The following USP42 variants were observed in gnomAD, a reference collection of about 807,000 sequenced individuals.
The protein encoded by USP42 is ubiquitin specific peptidase 42, also known as ubiquitin carboxyl-terminal hydrolase 42.
A neutral mutation model predicts 113.0 loss-of-function variants in USP42; 23 were observed. The ratio of observed to expected loss-of-function variants is 0.20; its 90% CI spans 0.15 to 0.29. The LOEUF is 0.29. USP42 is among the 10% of genes least tolerant of loss of function. USP42 has a pLI of 1.00. For missense variants in USP42, 2,174 were observed against 1,779.8 expected, an observed-to-expected ratio of 1.22 and a Z score of -3.99; for synonymous variants, 933 against 699.0, an observed-to-expected ratio of 1.33 and a Z score of -5.28.
At chr7:6,116,368 A>G (rs998068145) in intron 3 of USP42, 2 of 166,182 alleles carry the variant, frequency 1.2e-5, no homozygotes, top group African/African-American at 4.8e-5. Context: ...ATTAGATGGA[A>G]GCCAACTCAG....
intron 14 of USP42, among the ~76,000 whole-genome samples, chr7:6,151,674 C>T (rs940682887): frequency 1.3e-5 from 2 of 152,160 alleles, no homozygotes; most frequent in African/African-American, 4.8e-5. Flanking sequence ...AACTCCTGAC[C>T]TCAACTCATC....
In USP42 at chr7:6,158,379, C is replaced by G. The variant is rs1562863661; in HGVS notation, c.3944-1071C>G. On this transcript the variant is annotated intron_variant, in intron 16 of 17. Coordinates refer to ENST00000306177, the MANE Select transcript of USP42 (RefSeq NM_032172.3). The surrounding 1 kb of genome is among the most constrained non-coding windows in gnomAD (Gnocchi z 4.2). ...TTTGTGTTCACGTGTGAAGCGCATC[C>G]CCTCCTCCCAGGGGCTTTTGACGAA... Among the ~76,000 whole-genome samples the G allele has an allele frequency of 6.6e-6, 1 of 152,222 alleles. No individual in the cohort carries two copies. Among genetic ancestry groups the G allele is most frequent in the Non-Finnish European group, 1.5e-5 (1 of 68,042 alleles).
At chr7:6,145,243 A>T (rs1355128492) in intron 9 of USP42, among the ~76,000 whole-genome samples, 2 of 151,950 alleles carry the variant, frequency 1.3e-5, no homozygotes, top group Non-Finnish European at 2.9e-5. Flanking sequence ...AGGCAGGACA[A>T]TCACTTGAAC....
chr7:6,112,698 C>G (rs1046204879), intron 2 of USP42, among the ~76,000 whole-genome samples: 2 of 151,946 alleles, frequency 1.3e-5, no homozygotes, highest in African/African-American at 4.8e-5. Context: ...AACACAAATC[C>G]GTAAACTTTC....
intron 11 of USP42, 98 bp from the exon 12 acceptor site, chr7:6,147,641 G>T: frequency 7.2e-7 from 1 of 1,394,838 alleles, no homozygotes; most frequent in Non-Finnish European, 9.6e-7. Flanking sequence ...TTTTCATCAG[G>T]TTTCCGCCTG....
chr7:6,118,209 C>T (rs1364916429), intron 3 of USP42, among the ~76,000 whole-genome samples: 4 of 151,938 alleles, frequency 2.6e-5, no homozygotes, highest in African/African-American at 7.2e-5. Context: ...GCCTGGGCAA[C>T]GTAGGGAGAA....
chr7:6,109,228 G>C (rs1259802596), intron 1 of USP42, among the ~76,000 whole-genome samples: 3 of 152,156 alleles, frequency 2.0e-5, no homozygotes, highest in African/African-American at 4.8e-5. Flanking sequence ...GCAGAGCCCA[G>C]AGACAGCAGG....
At chr7:6,098,549 GTTTT>G in the USP42 span, among the ~76,000 whole-genome samples, 1 of 150,074 alleles carries the variant, frequency 6.7e-6, no homozygotes, top group Admixed American at 6.6e-5. Flanking sequence ...TTGTTTTCTT[GTTTT>G]TTGTTTTTCT....
chr7:6,088,649 T>C, the USP42 span: 3 of 151,462 alleles, frequency 2.0e-5, no homozygotes, highest in South Asian at 4.1e-4. Context: ...ACACCAGTGA[T>C]AGCGTCTCAT....
intron 7 of USP42, among the ~76,000 whole-genome samples, chr7:6,141,403 C>A (rs991213400): frequency 6.6e-6 from 1 of 151,844 alleles, no homozygotes; most frequent in Non-Finnish European, 1.5e-5. Flanking sequence ...TGGGGTTTCA[C>A]CTATCGGCCA....
chr7:6,131,363 T>G (rs1261726674), intron 3 of USP42, among the ~76,000 whole-genome samples: 1 of 151,934 alleles, frequency 6.6e-6, no homozygotes, highest in African/African-American at 2.4e-5. Context: ...TAATCCCAGC[T>G]ACTCGAGAGA....
At position 6,157,645 on chromosome 7, in the gene USP42, G is replaced by T. The variant is rs954947314; in HGVS notation, c.3943+590G>T. On this transcript the variant is annotated intron_variant, in intron 16 of 17. Transcript: ENST00000306177. This position sits in a 1 kb window ranked among gnomAD's most constrained non-coding sequence, Gnocchi z 4.1. ...GAACTCTTGGTTTTAAAGCATTTTT[G>T]ATAGAAATACTTTTGCAGCGTATAC... Among the ~76,000 whole-genome samples, 4 of 152,158 alleles carry T rather than the reference G, an allele frequency of 2.6e-5. No individual in the cohort carries two copies. Among genetic ancestry groups the T allele is most frequent in the Non-Finnish European group, 5.9e-5 (4 of 68,030 alleles).
chr7:6,116,719 A>G (rs992816666), intron 3 of USP42: 2 of 507,746 alleles, frequency 3.9e-6, no homozygotes, highest in African/African-American at 4.0e-5. Context: ...ATCACCTAGA[A>G]TCTCACCACC....
At chr7:6,131,513 C>T (rs1168698865) in intron 3 of USP42, among the ~76,000 whole-genome samples, 1 of 151,970 alleles carries the variant, frequency 6.6e-6, no homozygotes, top group Non-Finnish European at 1.5e-5. Flanking sequence ...TCATAATATA[C>T]AGAAAAAAAT....
upstream of USP42, among the ~76,000 whole-genome samples, chr7:6,104,497 G>A (rs1000597699): frequency 6.6e-6 from 1 of 152,268 alleles, no homozygotes; most frequent in Non-Finnish European, 1.5e-5. Context: ...AGCCAAGTCC[G>A]TTTTCGGGGG....
the USP42 span, among the ~76,000 whole-genome samples, chr7:6,090,648 G>A: frequency 6.8e-6 from 1 of 146,872 alleles, no homozygotes; most frequent in African/African-American, 2.5e-5. Context: ...CTAGGAGGCG[G>A]AGGTTGCAGT....
intron 7 of USP42, among the ~76,000 whole-genome samples, chr7:6,141,324 T>A (rs1781420165): frequency 6.7e-6 from 1 of 148,530 alleles, no homozygotes; most frequent in Non-Finnish European, 1.5e-5. Context: ...TGCCTCAGCC[T>A]CCCGAGTAGG....
Position 6,156,908 on chromosome 7 carries a change from A to G in USP42, c.3796A>G (p.Thr1266Ala), listed in dbSNP as rs999158983. The change falls in exon 16 of 18, where the codon ACT (threonine) becomes GCT (alanine). Residue 1266 changes from threonine (T) to alanine (A), a missense_variant. Transcript: ENST00000306177. ...LHLPRVTSLE[T>A]VAQFRRAQGG... The stretch of plus-strand genomic sequence containing the variant: ...CTTACCCAGGGTCACCAGCTTGGAG[A>G]CTGTCGCCCAGTTCCGGAGAGCCCA... 3.1e-6 allele frequency: 5 copies of G among 1,613,730 alleles called. No individual in the cohort carries two copies. The African/African-American group carries it at 5.3e-5, about 17-fold the overall frequency.
intron 3 of USP42, among the ~76,000 whole-genome samples, chr7:6,128,427 A>G (rs1394342746): frequency 1.3e-5 from 2 of 152,106 alleles, no homozygotes; most frequent in Non-Finnish European, 2.9e-5. Flanking sequence ...ATGCCCAGAT[A>G]AAATTTTTTC....
Sources: gnomAD v4.1 joint callset for allele counts (sites outside exome capture counted in the v4.1 genomes callset) on GRCh38, gnomAD v4.1.1 for gene constraint, Gnocchi (gnomAD v3.1) non-coding constraint, MANE v1.5 for transcripts, NCBI Gene and HGNC (gene_info 2026-07-23, HGNC 2026-07-21) for gene names.